PEBP4: variants seen among roughly 807,000 people sequenced by gnomAD.
The protein encoded by PEBP4 is phosphatidylethanolamine binding protein 4.
In PEBP4, 22 loss-of-function variants were observed where a neutral mutation model predicts 23.9. That is an observed-to-expected ratio of 0.92 (90% CI 0.66 to 1.31). The LOEUF (loss-of-function observed/expected upper bound fraction) is 1.31, where lower values mean the gene tolerates loss of function less well. PEBP4 is among the 40% of genes most tolerant of loss of function. The pLI is 0.00. For missense variants in PEBP4, 324 were observed against 281.7 expected (o/e 1.15, Z -1.07); for synonymous variants, 112 against 99.3 (o/e 1.13, Z -0.76).
At chr8:22,930,870 C>T (rs1301139697), upstream of PEBP4, among the ~76,000 whole-genome samples, 3 of 152,176 alleles carry the variant, frequency 2.0e-5, no homozygotes, top group Non-Finnish European at 4.4e-5. Context: ...AGTCCCATTG[C>T]TAGATTTCTT....
chr8:22,905,284 TA>T (rs566107670), intron 3 of PEBP4, among the ~76,000 whole-genome samples: 1,574 of 147,904 alleles, frequency 0.011, 4 homozygotes, highest in Middle Eastern at 0.032. Flanking sequence ...CCTTTTTTTT[TA>T]AAAAAAAAAA....
In PEBP4 at chr8:22,818,882, G is replaced by A. The variant is rs112944391; in HGVS notation, c.259-1147C>T. ...TTCAACGGCACGGCAGTAAGGAGGG[G>A]GATGGAGAAAGAGAAATTGAGGATG... On this transcript the variant is annotated intron_variant, in intron 3 of 6. Transcript: ENST00000256404. 4.9e-3 allele frequency among the ~76,000 whole-genome samples: 742 copies of A among 152,202 alleles called. 6 individuals are homozygous for A. The highest frequency in any genetic ancestry group is 0.017 in the African/African-American group (697 of 41,494).
chr8:22,925,182 G>T (rs927506827), intron 2 of PEBP4: 1 of 985,286 alleles, frequency 1.0e-6, no homozygotes, highest in African/African-American at 1.7e-5. Context: ...TAAAGACAAA[G>T]CTCCTCTTTT....
intron 1 of PEBP4, among the ~76,000 whole-genome samples, chr8:22,937,832 G>A (rs982592620): frequency 6.6e-6 from 1 of 151,626 alleles, no homozygotes; most frequent in African/African-American, 2.4e-5. Context: ...GTGTTCAAAT[G>A]ATTTTCAGCA....
intron 4 of PEBP4, among the ~76,000 whole-genome samples, chr8:22,762,046 C>CT (rs569652059): frequency 5.3e-5 from 8 of 151,862 alleles, no homozygotes; most frequent in Non-Finnish European, 1.2e-4. Flanking sequence ...TAACCCCCAC[C>CT]TTTTAACAAA....
At chr8:22,799,345 AC>A (rs1486233784) in intron 4 of PEBP4, among the ~76,000 whole-genome samples, 2 of 152,142 alleles carry the variant, frequency 1.3e-5, no homozygotes, top group Non-Finnish European at 2.9e-5. Context: ...TCCCCATGTG[AC>A]TAGCCCTTTC....
At chr8:22,921,002 T>G (rs1809188457) in intron 2 of PEBP4, among the ~76,000 whole-genome samples, 1 of 152,028 alleles carries the variant, frequency 6.6e-6, no homozygotes, top group Non-Finnish European at 1.5e-5. Flanking sequence ...AGCACCAGGG[T>G]TCTAAGAATG....
intron 3 of PEBP4, among the ~76,000 whole-genome samples, chr8:22,890,676 A>C (rs1429223105): frequency 6.6e-6 from 1 of 152,234 alleles, no homozygotes; most frequent in African/African-American, 2.4e-5. Flanking sequence ...GGCAGGTAGC[A>C]GGCAGTGTGG....
chr8:22,760,672 C>A (rs1373796295), intron 4 of PEBP4, among the ~76,000 whole-genome samples: 3 of 152,030 alleles, frequency 2.0e-5, no homozygotes, highest in Non-Finnish European at 4.4e-5. Context: ...CTGTACCATG[C>A]CATTTTGGAA....
chr8:22,920,134 A>G, intron 3 of PEBP4, 50 bp downstream of exon 3: 1 of 1,583,582 alleles, frequency 6.3e-7, no homozygotes, highest in East Asian at 2.3e-5. Flanking sequence ...CTGGAGGAAC[A>G]TCAAGACCCC....
At chr8:22,805,746 C>G (rs551251968) in intron 4 of PEBP4, among the ~76,000 whole-genome samples, 1 of 152,142 alleles carries the variant, frequency 6.6e-6, no homozygotes, top group African/African-American at 2.4e-5. Flanking sequence ...ACTCTGCTCT[C>G]TTTTGCTATG....
At chr8:22,777,221 C>T (rs1198436624) in intron 4 of PEBP4, among the ~76,000 whole-genome samples, 1 of 152,150 alleles carries the variant, frequency 6.6e-6, no homozygotes, top group African/African-American at 2.4e-5. Flanking sequence ...CTCAGGTCCC[C>T]CTGAGTTCCC....
chr8:22,715,783 C>T (rs1485276424), intron 6 of PEBP4, among the ~76,000 whole-genome samples: 5 of 152,184 alleles, frequency 3.3e-5, no homozygotes, highest in Non-Finnish European at 7.3e-5. Context: ...CTGGCTTGGC[C>T]GCAACTCCTT....
chr8:22,847,344 G>C (rs1368942312), intron 3 of PEBP4, among the ~76,000 whole-genome samples: 1 of 152,070 alleles, frequency 6.6e-6, no homozygotes, highest in African/African-American at 2.4e-5. Flanking sequence ...TATATCCTTG[G>C]AAAAGAGTCT....
intron 4 of PEBP4, among the ~76,000 whole-genome samples, chr8:22,735,528 G>C (rs1468078775): frequency 6.6e-6 from 1 of 152,222 alleles, no homozygotes; most frequent in East Asian, 1.9e-4. Flanking sequence ...GGCTAGAAAT[G>C]CAGGATGGGG....
intron 4 of PEBP4, among the ~76,000 whole-genome samples, chr8:22,772,378 T>C (rs144792861): frequency 0.017 from 2,541 of 152,280 alleles, 31 homozygotes; most frequent in South Asian, 0.085. Flanking sequence ...CTGTAAGCAC[T>C]CAGTAACTCA....
chr8:22,835,342 C>T (rs1313735990), intron 3 of PEBP4, among the ~76,000 whole-genome samples: 1 of 152,150 alleles, frequency 6.6e-6, no homozygotes, highest in African/African-American at 2.4e-5. Context: ...TTCCACCGGC[C>T]CCTGGAGCAG....
At chr8:22,757,918 G>A (rs1208716708) in intron 4 of PEBP4, 1 of 152,238 alleles carries the variant, frequency 6.6e-6, no homozygotes, top group Non-Finnish European at 1.5e-5. Context: ...AGCTTCCCTG[G>A]CCGGATGCCC....
rs943754042 is a variant in PEBP4 at position 22,816,193 on chromosome 8, T to C, written c.357+1444A>G. Among the ~76,000 whole-genome samples, 3 of 152,192 alleles carry C rather than the reference T, an allele frequency of 2.0e-5. No individual in the cohort carries two copies. The South Asian group carries it at 6.2e-4, about 31-fold the overall frequency. Reference sequence around the variant, plus strand: ...CTCAAACCTCCCAGCTCTGTCCCTTTGTGTGTTTATGGTGTTTGGCCAGGG... The same window carrying C: ...CTCAAACCTCCCAGCTCTGTCCCTTCGTGTGTTTATGGTGTTTGGCCAGGG... On this transcript the variant is annotated intron_variant, in intron 4 of 6. Transcript: ENST00000256404.
Sources: gnomAD v4.1 joint callset for allele counts (sites outside exome capture counted in the v4.1 genomes callset) on GRCh38, gnomAD v4.1.1 for gene constraint, MANE v1.5 for transcripts, NCBI Gene and HGNC (gene_info 2026-07-23, HGNC 2026-07-21) for gene names.